OR1L8: variants seen among roughly 807,000 people sequenced by gnomAD.
OR1L8 encodes olfactory receptor 1L8.
For synonymous variants in OR1L8, 148 were observed against 147.0 expected, an observed-to-expected ratio of 1.01 and a Z score of -0.05; for missense variants, 330 against 377.4, an observed-to-expected ratio of 0.87 and a Z score of 1.04.
chr9:122,579,499 T>C (rs778291487), intron 1 of OR1L8, among the ~76,000 whole-genome samples: 3 of 152,120 alleles, frequency 2.0e-5, no homozygotes, highest in Admixed American at 6.5e-5. Context: ...AAATTTCAGG[T>C]TGTCAACTAA....
intron 3 of OR1L8, 107 bp downstream of exon 3, chr9:122,576,659 C>T (rs902713036): frequency 7.2e-5 from 11 of 152,160 alleles, no homozygotes; most frequent in African/African-American, 2.2e-4. Context: ...AAACTCACAA[C>T]AGTGTGTGGG....
the OR1L8 span, among the ~76,000 whole-genome samples, chr9:122,550,132 T>G: frequency 8.5e-5 from 13 of 152,116 alleles, no homozygotes; most frequent in Admixed American, 3.3e-4. Flanking sequence ...CAACTATGAA[T>G]TCACAAATGA....
At chr9:122,575,140 A>T (rs1375742236) in intron 3 of OR1L8, among the ~76,000 whole-genome samples, 1 of 152,044 alleles carries the variant, frequency 6.6e-6, no homozygotes, top group Non-Finnish European at 1.5e-5. Flanking sequence ...TTTATGAGAG[A>T]TACAGGTTTA....
chr9:122,565,915 C>A (rs1373624892), downstream of OR1L8, among the ~76,000 whole-genome samples: 2 of 152,146 alleles, frequency 1.3e-5, no homozygotes, highest in African/African-American at 4.8e-5. Context: ...TAAACTCAGG[C>A]TTGGAGTAAA....
chr9:122,565,255 A>G (rs985096185), downstream of OR1L8, among the ~76,000 whole-genome samples: 8 of 152,208 alleles, frequency 5.3e-5, no homozygotes, highest in African/African-American at 1.9e-4. Context: ...GGGAAGAGCA[A>G]TGTGAATAGA....
chr9:122,582,240 C>T (rs1373228428), intron 1 of OR1L8, among the ~76,000 whole-genome samples: 3 of 152,090 alleles, frequency 2.0e-5, no homozygotes, highest in South Asian at 2.1e-4. Context: ...GAAGTATCAA[C>T]GTCTAATGAA....
At chr9:122,552,539 G>A in the OR1L8 span, among the ~76,000 whole-genome samples, 25 of 151,966 alleles carry the variant, frequency 1.6e-4, no homozygotes, top group Admixed American at 1.4e-3. Flanking sequence ...ATTTGTATGC[G>A]TGTGTGTGGG....
At chr9:122,578,650 C>T (rs376227978) in intron 1 of OR1L8, among the ~76,000 whole-genome samples, 4 of 151,996 alleles carry the variant, frequency 2.6e-5, no homozygotes, top group African/African-American at 7.2e-5. Flanking sequence ...ATGGCATTCA[C>T]GGCAACCTGG....
At chr9:122,577,705 T>G (rs1588219702) in intron 2 of OR1L8, among the ~76,000 whole-genome samples, 1 of 152,322 alleles carries the variant, frequency 6.6e-6, no homozygotes, top group Middle Eastern at 3.4e-3. Context: ...TCACAATAAC[T>G]CTGTAGAGAA....
chr9:122,550,908 A>G, the OR1L8 span, among the ~76,000 whole-genome samples: 1 of 152,026 alleles, frequency 6.6e-6, no homozygotes, highest in Admixed American at 6.6e-5. Context: ...GGAAGTCCTT[A>G]ACCAGAACAA....
At position 122,569,261 on chromosome 9, in the gene OR1L8, A is replaced by T. The variant is rs192310348; in HGVS notation, c.-212-572T>A. Among the ~76,000 whole-genome samples, 225 of 152,256 alleles carry T rather than the reference A, an allele frequency of 1.5e-3. 2 individuals are homozygous for T. The highest frequency in any genetic ancestry group is 5.2e-3 in the African/African-American group (218 of 41,538). On this transcript the variant is annotated intron_variant, in intron 4 of 4. Transcript: ENST00000641027. ...TTTCCCTTCTTTAATTCTCTGTCCTAAATCACATTTGTACAGAATAAGCAC... is the reference window on the plus strand; with the variant it reads ...TTTCCCTTCTTTAATTCTCTGTCCTTAATCACATTTGTACAGAATAAGCAC...
At chr9:122,564,491 T>G (rs1202030825), downstream of OR1L8, among the ~76,000 whole-genome samples, 2 of 152,298 alleles carry the variant, frequency 1.3e-5, no homozygotes, top group Middle Eastern at 3.4e-3. Flanking sequence ...TAGTGTTGTA[T>G]CATTGGAGAA....
chr9:122,568,358 TATG>T lies in OR1L8; in HGVS notation c.117_119del (p.Ile40del). ...CCAGGATGATGAGCAGGTTCCCTGT[TATG>T]GTGACCAGGTACACGATGAGGAAGA... On this transcript the variant is annotated inframe_deletion, in exon 5 of 5. Coordinates refer to ENST00000641027, the MANE Select transcript of OR1L8 (RefSeq NM_001004454.2). 3 of 1,614,014 alleles carry T rather than the reference TATG, an allele frequency of 1.9e-6. 1 individual carries two copies. The highest frequency in any genetic ancestry group is 2.2e-5 in the South Asian group (2 of 91,070).
chr9:122,576,749 A>C lies in OR1L8; in HGVS notation c.-342+17T>G, dbSNP rs1204337564. The stretch of plus-strand genomic sequence containing the variant: ...GAGCCTCCAGCAATTCATCAATTAC[A>C]GTTCAGGTTTTCCTACCTTAGCACT... On this transcript the variant is annotated intron_variant, in intron 3 of 4. Transcript: ENST00000641027. 1 of 152,202 alleles carries C rather than the reference A, an allele frequency of 6.6e-6. No homozygotes were observed. The highest frequency in any genetic ancestry group is 1.5e-5 in the Non-Finnish European group (1 of 68,060). 9.4% of individuals were successfully genotyped at this position (152,202 alleles called of 1,614,324 possible). A position where few individuals can be genotyped will look rare whatever the true frequency, so the allele number is the denominator to read the frequency against.
At chr9:122,582,413 G>A (rs1198408124) in intron 1 of OR1L8, among the ~76,000 whole-genome samples, 1 of 152,086 alleles carries the variant, frequency 6.6e-6, no homozygotes, top group Admixed American at 6.5e-5. Flanking sequence ...CAAAATTTAT[G>A]AGTTTAAAAA....
Position 122,567,451 on chromosome 9 carries a change from G to T in OR1L8, c.*97C>A. The T allele has an allele frequency of 1.1e-6, 1 of 893,086 alleles. No homozygotes were observed. The highest frequency in any genetic ancestry group is 1.7e-6 in the Non-Finnish European group (1 of 578,250). 55.3% of individuals were successfully genotyped at this position (893,086 alleles called of 1,614,324 possible). ...GCCTTGTCTCACATGGGTCAGAAGT[G>T]CTAGCTTCCAACAGCTTTGACTGTT... On this transcript the variant is annotated 3_prime_UTR_variant, in exon 5 of 5. Transcript: ENST00000641027.
the OR1L8 span, among the ~76,000 whole-genome samples, chr9:122,548,172 G>T: frequency 6.6e-6 from 1 of 152,164 alleles, no homozygotes; most frequent in Non-Finnish European, 1.5e-5. Flanking sequence ...AAGATCCAAG[G>T]ATGCAGTTAG....
In OR1L8 at chr9:122,567,700, A is replaced by G; in HGVS notation, c.778T>C (p.Tyr260His). 1 of 1,614,118 alleles carries G rather than the reference A, an allele frequency of 6.2e-7. No homozygotes were observed. The highest frequency in any genetic ancestry group is 8.5e-7 in the Non-Finnish European group (1 of 1,180,022). ...GCGTAGGTGGATGGGGGCTGTAAAT[A>G]GACACAGAAGATGCTTCCATAAAAG... The part of the protein sequence containing the change: ...TLFYGSIFCV[Y>H]LQPPSTYAVK... Residue 260 changes from tyrosine (Y) to histidine (H), a missense_variant, in exon 5 of 5, where the codon TAT (tyrosine) becomes CAT (histidine). Coordinates refer to ENST00000641027, the MANE Select transcript of OR1L8 (RefSeq NM_001004454.2).
the OR1L8 span, among the ~76,000 whole-genome samples, chr9:122,552,057 ACTCTCTCTCTCT>A: frequency 6.9e-6 from 1 of 144,072 alleles, no homozygotes; most frequent in African/African-American, 2.5e-5. Flanking sequence ...ACACACATAC[ACTCTCTCTCTCT>A]CTCTCTCTCT....
Sources: gnomAD v4.1 joint callset for allele counts (sites outside exome capture counted in the v4.1 genomes callset) on GRCh38, gnomAD v4.1.1 for gene constraint, MANE v1.5 for transcripts, NCBI Gene and HGNC (gene_info 2026-07-23, HGNC 2026-07-21) for gene names.